Variants in POLA1 observed in about 807,000 individuals in gnomAD.
POLA1 encodes DNA polymerase alpha 1, catalytic subunit.
Under a neutral mutation model 124.0 loss-of-function variants are expected in POLA1, and 15 were observed. The observed-to-expected ratio is 0.12, with a 90% CI of 0.08 to 0.19. The LOEUF (loss-of-function observed/expected upper bound fraction) is 0.19. Ranked by LOEUF, POLA1 falls within the 10% of genes least tolerant of loss-of-function variation. The probability of loss-of-function intolerance (pLI) is 1.00; values close to 1 mark genes in which losing one functional copy is unlikely to be tolerated. For synonymous variants in POLA1, 408 were observed against 389.4 expected, an observed-to-expected ratio of 1.05 and a Z score of -0.56; for missense variants, 886 against 1,103.4, an observed-to-expected ratio of 0.80 and a Z score of 2.79.
intron 36 of POLA1, among the ~76,000 whole-genome samples, chrX:24,975,430 T>A (rs1335963626): frequency 5.5e-5 from 6 of 109,359 alleles, no homozygotes; most frequent in Admixed American, 2.0e-4. Context: ...TAGAAACCTT[T>A]TATGAAAATA....
chrX:24,795,728 C>T, intron 26 of POLA1, among the ~76,000 whole-genome samples: 1 of 107,094 alleles, frequency 9.3e-6, no homozygotes, highest in Non-Finnish European at 1.9e-5. Flanking sequence ...CATGGGTTCC[C>T]ACTGCAGGTC....
chrX:24,802,320 C>T (rs1270655873), intron 26 of POLA1, among the ~76,000 whole-genome samples: 1 of 111,502 alleles, frequency 9.0e-6, no homozygotes, highest in Non-Finnish European at 1.9e-5. Context: ...CTTCTCAACT[C>T]ACATTTTTAA....
intron 36 of POLA1, among the ~76,000 whole-genome samples, chrX:24,941,388 CATGTGA>C (rs2047907183): frequency 8.9e-6 from 1 of 111,893 alleles, no homozygotes; most frequent in African/African-American, 3.2e-5. Context: ...TCTTGCTTTG[CATGTGA>C]ATTGGCATAT....
At chrX:24,713,868 A>G (rs750127000) in intron 4 of POLA1, among the ~76,000 whole-genome samples, 2 of 112,180 alleles carry the variant, frequency 1.8e-5, no homozygotes, top group Non-Finnish European at 3.8e-5. Context: ...AAATTTTCCT[A>G]TCAGATTCAG....
chrX:24,826,464 C>T lies in POLA1; in HGVS notation c.3599C>T (p.Ala1200Val), dbSNP rs754565750. The change falls in exon 32 of 37, where the codon GCG (alanine) becomes GTG (valine). Residue 1200 changes from alanine (A) to valine (V), a missense_variant. Around this residue, in one of 7 missense-constraint regions of POLA1, gnomAD observed 313 missense variants for 359.7 expected, o/e 0.87. Transcript: ENST00000379068. ...SNLTASQRAY[A>V]PEQLQKQDNL... ...CTCACTGCAAGTCAGAGGGCCTATG[C>T]GCCTGAGCAGCTGCAGAAACAGGAT... 4 of 1,203,738 alleles carry T rather than the reference C, an allele frequency of 3.3e-6. No homozygotes were observed. Among genetic ancestry groups the T allele is most frequent in the South Asian group, 3.6e-5 (2 of 55,969 alleles).
chrX:24,857,914 A>C lies in POLA1; in HGVS notation c.4047+14237A>C, dbSNP rs2046667147. Among the ~76,000 whole-genome samples the C allele has an allele frequency of 1.8e-5, 2 of 111,715 alleles. 1 individual carries two copies. Among genetic ancestry groups the C allele is most frequent in the Admixed American group, 1.9e-4 (2 of 10,468 alleles). ...ATTTTTAAGGGTTTGAAAACCCTTTAAAAATACATGTTAATGAATTCTAAT... is the reference window on the plus strand; with the variant it reads ...ATTTTTAAGGGTTTGAAAACCCTTTCAAAATACATGTTAATGAATTCTAAT... On this transcript the variant is annotated intron_variant, in intron 34 of 36. Coordinates refer to ENST00000379068, the MANE Select transcript of POLA1 (RefSeq NM_001330360.2).
At chrX:24,787,390 A>G (rs1205107225) in intron 26 of POLA1, among the ~76,000 whole-genome samples, 1 of 111,586 alleles carries the variant, frequency 9.0e-6, no homozygotes, top group Non-Finnish European at 1.9e-5. Context: ...TAATTTTTGT[A>G]TATAGTATGA....
intron 36 of POLA1, among the ~76,000 whole-genome samples, chrX:24,954,414 C>T (rs1012141218): frequency 1.6e-4 from 18 of 112,231 alleles, no homozygotes; most frequent in African/African-American, 5.5e-4. Context: ...AAATTAGATT[C>T]GTCACTCTTG....
At chrX:24,825,269 A>G (rs1359893087) in intron 31 of POLA1, among the ~76,000 whole-genome samples, 1 of 112,177 alleles carries the variant, frequency 8.9e-6, no homozygotes, top group Admixed American at 9.5e-5. Flanking sequence ...CTTTTTAGGT[A>G]TTTCATTTTG....
intron 34 of POLA1, among the ~76,000 whole-genome samples, chrX:24,867,900 A>G (rs2046814745): frequency 1.8e-5 from 2 of 112,080 alleles, no homozygotes; most frequent in African/African-American, 6.5e-5. Context: ...TTTTAATATT[A>G]CAGCTTTTCC....
intron 35 of POLA1, among the ~76,000 whole-genome samples, chrX:24,896,728 G>A (rs1481860570): frequency 8.9e-6 from 1 of 112,077 alleles, no homozygotes; most frequent in African/African-American, 3.2e-5. Flanking sequence ...GTGATTGGTT[G>A]GGTACAGAGA....
chrX:24,730,351 C>A (rs1456553798), intron 15 of POLA1, among the ~76,000 whole-genome samples: 2 of 110,829 alleles, frequency 1.8e-5, no homozygotes, highest in Non-Finnish European at 3.8e-5. Flanking sequence ...TCAAGTGATT[C>A]TCCTGCCTCA....
In POLA1 at chrX:24,818,357, G is replaced by A. The variant is rs2046028114; in HGVS notation, c.3430-3095G>A. Among the ~76,000 whole-genome samples the A allele has an allele frequency of 6.3e-5, 7 of 111,579 alleles. No individual in the cohort carries two copies. The South Asian group carries it at 2.6e-3, about 42-fold the overall frequency. On this transcript the variant is annotated intron_variant, in intron 30 of 36. Coordinates refer to ENST00000379068, the MANE Select transcript of POLA1 (RefSeq NM_001330360.2). ...GAAGATAATGGATTTCTTAAGTACT[G>A]TTATATCAGTTAAGATTTTTATATT...
At chrX:24,896,615 T>C (rs183257298) in intron 35 of POLA1, among the ~76,000 whole-genome samples, 1 of 111,941 alleles carries the variant, frequency 8.9e-6, no homozygotes, top group East Asian at 2.8e-4. Flanking sequence ...TGGACATCCC[T>C]GGACATTGAG....
chrX:24,930,535 C>T lies in POLA1; in HGVS notation c.4247C>T (p.Thr1416Ile). The change falls in exon 36 of 37, where the codon ACC becomes ATC. Residue 1416 changes from threonine (T) to isoleucine (I), a missense_variant. By Grantham distance (89) the Thr-to-Ile change is moderately conservative. Transcript: ENST00000379068. ...DAECALEKLT[T>I]DHEKDKLKKQ... ...GAGTGTGCACTGGAGAAACTTACTA[C>T]CGATCATGAGAAAGGTACGTTAAAA... 1.7e-6 allele frequency: 2 copies of T among 1,154,385 alleles called. No individual in the cohort carries two copies. The highest frequency in any genetic ancestry group is 1.2e-6 in the Non-Finnish European group (1 of 843,018).
intron 26 of POLA1, among the ~76,000 whole-genome samples, chrX:24,771,621 A>C (rs961803637): frequency 9.0e-6 from 1 of 111,730 alleles, no homozygotes; most frequent in African/African-American, 3.2e-5. Flanking sequence ...TTTGTAGATG[A>C]ATGAACTATA....
At chrX:24,890,529 T>G (rs1192163891) in intron 35 of POLA1, among the ~76,000 whole-genome samples, 5 of 112,507 alleles carry the variant, frequency 4.4e-5, no homozygotes, top group Non-Finnish European at 7.5e-5. Flanking sequence ...TTAGGATAAA[T>G]TCTTATCAAC....
intron 35 of POLA1, among the ~76,000 whole-genome samples, chrX:24,890,206 G>A (rs1569351769): frequency 9.2e-6 from 1 of 108,772 alleles, no homozygotes; most frequent in African/African-American, 3.4e-5. Context: ...TCCTGCCTTC[G>A]CCTCCCGAGT....
At chrX:24,769,190 T>C (rs1329721104) in intron 26 of POLA1, among the ~76,000 whole-genome samples, 1 of 111,589 alleles carries the variant, frequency 9.0e-6, no homozygotes, top group African/African-American at 3.3e-5. Context: ...TCATGTCAGG[T>C]GATGTTTTTC....
Sources: allele counts gnomAD v4.1 joint callset (sites outside exome capture counted in the v4.1 genomes callset), GRCh38; gene constraint gnomAD v4.1.1; regional missense constraint gnomAD v4.1.1; transcripts MANE v1.5; gene names NCBI Gene and HGNC (gene_info 2026-07-23, HGNC 2026-07-21).